RFC1: variants seen among roughly 807,000 people sequenced by gnomAD.
RFC1 encodes the protein replication factor C subunit 1, also known as A1 140 kDa subunit.
A neutral mutation model predicts 137.4 loss-of-function variants in RFC1; 37 were observed. The ratio of observed to expected loss-of-function variants is 0.27; its 90% CI spans 0.21 to 0.35. RFC1 has a LOEUF of 0.35. Ranked by LOEUF, RFC1 falls within the 10% of genes least tolerant of loss-of-function variation. RFC1 has a pLI of 1.00. For synonymous variants in RFC1, 429 were observed against 455.7 expected, an observed-to-expected ratio of 0.94 and a Z score of 0.75; for missense variants, 1,205 against 1,358.5, an observed-to-expected ratio of 0.89 and a Z score of 1.78.
intron 4 of RFC1, among the ~76,000 whole-genome samples, chr4:39,334,728 G>A (rs554012499): frequency 6.6e-6 from 1 of 152,232 alleles, no homozygotes; most frequent in Admixed American, 6.5e-5. Flanking sequence ...ATGAACAATT[G>A]AACACTTAGA....
At position 39,321,390 on chromosome 4, in the gene RFC1, A is replaced by C; in HGVS notation, c.721-16T>G. 6.2e-7 allele frequency: 1 copy of C among 1,608,944 alleles called. No homozygotes were observed. Among genetic ancestry groups the C allele is most frequent in the Non-Finnish European group, 8.5e-7 (1 of 1,176,698 alleles). On this transcript the variant is annotated splice_polypyrimidine_tract_variant and intron_variant, in intron 7 of 24. Transcript: ENST00000349703. ...CCTTTCGAGCCTAAACAAATTTTAAAAGTGTCAAATGTGACAAATAATAGA... is the reference window on the plus strand; with the variant it reads ...CCTTTCGAGCCTAAACAAATTTTAACAGTGTCAAATGTGACAAATAATAGA...
chr4:39,289,625 G>A (rs1239503933), intron 24 of RFC1: 2 of 483,170 alleles, frequency 4.1e-6, no homozygotes, highest in African/African-American at 2.0e-5. Flanking sequence ...ACATATGGCC[G>A]TCAATATCAT....
intron 1 of RFC1, 149 bp downstream of exon 1, chr4:39,366,090 C>G: frequency 1.2e-6 from 1 of 820,062 alleles, no homozygotes; most frequent in East Asian, 3.3e-5. Flanking sequence ...GTCCAGTGCC[C>G]GGTGTGCGGC....
chr4:39,306,695 A>C lies in RFC1; in HGVS notation c.1892T>G (p.Phe631Cys). The C allele has an allele frequency of 6.2e-7, 1 of 1,608,402 alleles. No homozygotes were observed. ...SSSEDKKHAK[F>C]GKFSGKDDGS... ...ATCATCTTTGCCGGAAAATTTACCAAACTTTGCTGCTAGGAAAAAAGAAGT... is the reference window on the plus strand; with the variant it reads ...ATCATCTTTGCCGGAAAATTTACCACACTTTGCTGCTAGGAAAAAAGAAGT... The change falls in exon 14 of 25, where the codon TTT becomes TGT. Residue 631 changes from phenylalanine to cysteine, a missense_variant. Transcript: ENST00000349703.
rs748625041 is a variant in RFC1, at chr4:39,345,523, T to C, written c.133-47A>G. On this transcript the variant is annotated intron_variant, in intron 2 of 24. Coordinates refer to ENST00000349703, the MANE Select transcript of RFC1 (RefSeq NM_002913.5). Reference sequence around the variant, plus strand: ...TAGAACATAAAGAAGCCTATATAACTATCTTTTTTTTTTTTGAGACGGAGT... The same window carrying C: ...TAGAACATAAAGAAGCCTATATAACCATCTTTTTTTTTTTTGAGACGGAGT... The C allele has an allele frequency of 1.2e-5, 17 of 1,448,722 alleles. 1 individual carries two copies. The highest frequency in any genetic ancestry group is 4.4e-4 in the Middle Eastern group (2 of 4,528). 89.7% of individuals were successfully genotyped at this position (1,448,722 alleles called of 1,614,324 possible). A position where few individuals can be genotyped will look rare whatever the true frequency, so the allele number is the denominator to read the frequency against.
At chr4:39,346,627 A>C (rs1740874925) in intron 2 of RFC1, among the ~76,000 whole-genome samples, 2 of 152,236 alleles carry the variant, frequency 1.3e-5, no homozygotes, top group African/African-American at 4.8e-5. Flanking sequence ...TATAAGGTAG[A>C]AATAGAAACT....
chr4:39,309,355 G>A (rs564156128), intron 12 of RFC1, among the ~76,000 whole-genome samples: 2 of 152,248 alleles, frequency 1.3e-5, no homozygotes, highest in South Asian at 2.1e-4. Context: ...CTAATTAAAA[G>A]TTAATGCCTC....
At chr4:39,303,263 G>C in intron 15 of RFC1, 112 bp from the exon 16 acceptor site, 1 of 605,472 alleles carries the variant, frequency 1.7e-6, no homozygotes, top group East Asian at 3.1e-5. Context: ...AAAGCTACAA[G>C]AATATGCAGC....
chr4:39,329,809 C>T (rs574936820), intron 4 of RFC1, among the ~76,000 whole-genome samples: 3 of 152,162 alleles, frequency 2.0e-5, no homozygotes, highest in South Asian at 2.1e-4. Context: ...CCGAGATGGG[C>T]GGATCATTTG....
intron 2 of RFC1, 76 bp from the exon 3 acceptor site, chr4:39,345,552 ACT>A: frequency 3.3e-6 from 4 of 1,201,188 alleles, no homozygotes; most frequent in Non-Finnish European, 1.2e-6. Context: ...ACGGAGTCTC[ACT>A]CTGTCATCCA....
Position 39,289,937 on chromosome 4 carries a change from C to G in RFC1, c.3271G>C (p.Asp1091His), listed in dbSNP as rs1737576598. 1.2e-6 allele frequency: 2 copies of G among 1,613,022 alleles called. No homozygotes were observed. The highest frequency in any genetic ancestry group is 8.5e-7 in the Non-Finnish European group (1 of 1,179,082). The change falls in exon 24 of 25, where the codon GAT becomes CAT. Residue 1091 changes from aspartate to histidine, a missense_variant. Physicochemically the swap from Asp to His is moderately conservative, Grantham distance 81 (BLOSUM62 -1). Around this residue, in one of 3 missense-constraint regions of RFC1, gnomAD observed 237 missense variants for 304.2 expected, o/e 0.78. Transcript: ENST00000349703. Reference protein sequence around the residue: ...ASRHSTSPSLDSEYNEELNED... With the variant: ...ASRHSTSPSLHSEYNEELNED... ...TTTAATTCTTCATTGTATTCCGAAT[C>G]CAGGGATGGGCTTGTGCTGTGTCTA... is the stretch of plus-strand genomic sequence containing the variant.
intron 3 of RFC1, among the ~76,000 whole-genome samples, chr4:39,343,561 T>C (rs1395677092): frequency 1.3e-5 from 2 of 152,206 alleles, no homozygotes; most frequent in African/African-American, 4.8e-5. Flanking sequence ...TCATAAACTT[T>C]AGTGTCCTTC....
intron 4 of RFC1, among the ~76,000 whole-genome samples, chr4:39,341,882 T>A (rs1485391141): frequency 6.6e-6 from 1 of 152,174 alleles, no homozygotes; most frequent in Non-Finnish European, 1.5e-5. Flanking sequence ...AGAACTAAAT[T>A]TAAGTACAAA....
chr4:39,298,378 T>C (rs1397738446), intron 21 of RFC1, among the ~76,000 whole-genome samples: 2 of 149,964 alleles, frequency 1.3e-5, no homozygotes, highest in Non-Finnish European at 3.0e-5. Flanking sequence ...TTTCAAGCAA[T>C]GTGTGAGTGG....
intron 1 of RFC1, among the ~76,000 whole-genome samples, chr4:39,360,584 A>G (rs1327686095): frequency 6.6e-6 from 1 of 151,854 alleles, no homozygotes; most frequent in Non-Finnish European, 1.5e-5. Context: ...AAAATACAAA[A>G]ATCAGCCTGG....
At position 39,338,540 on chromosome 4, in the gene RFC1, C is replaced by T. The variant is rs574065074; in HGVS notation, c.331+3805G>A. ...TATATTTTATCTAACCCAATAGATC[C>T]AAATTATTAGCATTTCAAAATGGGA... On this transcript the variant is annotated intron_variant, in intron 4 of 24. Transcript: ENST00000349703. Among the ~76,000 whole-genome samples, 5 of 152,082 alleles carry T rather than the reference C, an allele frequency of 3.3e-5. No individual in the cohort carries two copies. The South Asian group carries it at 8.3e-4, about 25-fold the overall frequency.
In RFC1 at chr4:39,351,413, T is replaced by C; in HGVS notation, c.67A>G (p.Lys23Glu). ...TCATCAGACTTTGTTTTCTCATTCT[T>C]CTTTACTGTTTCACTTACAAGTTTC... ...GKKLVSETVK[K>E]NEKTKSDEET... The change falls in exon 2 of 25, where the codon AAG (lysine) becomes GAG (glutamate). Residue 23 changes from lysine (K) to glutamate (E), a missense_variant. Physicochemically the swap from Lys to Glu is moderately conservative, Grantham distance 56. Transcript: ENST00000349703. The C allele has an allele frequency of 1.9e-6, 3 of 1,582,380 alleles. No individual in the cohort carries two copies. Among genetic ancestry groups the C allele is most frequent in the Non-Finnish European group, 2.6e-6 (3 of 1,167,526 alleles).
chr4:39,338,297 G>A (rs1053940501), intron 4 of RFC1, among the ~76,000 whole-genome samples: 7 of 152,120 alleles, frequency 4.6e-5, no homozygotes, highest in Non-Finnish European at 4.4e-5. Flanking sequence ...GGAGTGAAAC[G>A]GAAAGCCTAA....
rs1205041770 is a variant in RFC1, at chr4:39,306,651, C to T, written c.1936G>A (p.Ala646Thr). Residue 646 changes from alanine to threonine, a missense_variant, in exon 14 of 25, where the codon GCG (alanine) becomes ACG (threonine). Coordinates refer to ENST00000349703, the MANE Select transcript of RFC1 (RefSeq NM_002913.5). ...GKDDGSSFKAALLSGPPGVGK... is the reference protein window; with the variant it reads ...GKDDGSSFKATLLSGPPGVGK... ...ACACCAGGAGGGCCTGACAGCAACG[C>T]TGCTTTAAAACTAGAGCCATCATCT... 1 of 1,613,912 alleles carries T rather than the reference C, an allele frequency of 6.2e-7. No individual in the cohort carries two copies. Among genetic ancestry groups the T allele is most frequent in the Non-Finnish European group, 8.5e-7 (1 of 1,179,906 alleles).
Sources: allele counts gnomAD v4.1 joint callset (sites outside exome capture counted in the v4.1 genomes callset), GRCh38; gene constraint gnomAD v4.1.1; regional missense constraint gnomAD v4.1.1; transcripts MANE v1.5; gene names NCBI Gene and HGNC (gene_info 2026-07-23, HGNC 2026-07-21).